The following HPSE2 variants were observed in gnomAD, a reference collection of about 807,000 sequenced individuals.
The protein encoded by HPSE2 is inactive heparanase-2.
HPSE2 carries 38 observed loss-of-function variants against 60.5 expected under a neutral mutation model. The observed-to-expected ratio is 0.63, with a 90% CI of 0.48 to 0.82. The LOEUF (loss-of-function observed/expected upper bound fraction) is 0.82. HPSE2 is among the 40% of genes least tolerant of loss of function. The probability of loss-of-function intolerance (pLI) is 0.00; values close to 1 mark genes in which losing one functional copy is unlikely to be tolerated. For missense variants in HPSE2, 713 were observed against 740.4 expected (o/e 0.96, Z 0.43); for synonymous variants, 295 against 293.2 (o/e 1.01, Z -0.06).
At chr10:98,965,899 C>CT (rs929475314) in intron 3 of HPSE2, among the ~76,000 whole-genome samples, 110 of 147,832 alleles carry the variant, frequency 7.4e-4, no homozygotes, top group African/African-American at 2.5e-3. Context: ...TTTTTTTTTT[C>CT]TTTTTTTTGA....
At chr10:99,165,527 A>C (rs1009098660) in intron 2 of HPSE2, among the ~76,000 whole-genome samples, 5 of 134,216 alleles carry the variant, frequency 3.7e-5, no homozygotes, top group African/African-American at 1.3e-4. Flanking sequence ...TCATTTATTT[A>C]CGTATTTATT....
intron 9 of HPSE2, among the ~76,000 whole-genome samples, chr10:98,555,659 T>G (rs893482157): frequency 6.6e-6 from 1 of 152,252 alleles, no homozygotes; most frequent in Non-Finnish European, 1.5e-5. Flanking sequence ...CTTTATATAA[T>G]GAACATGTAT....
intron 3 of HPSE2, among the ~76,000 whole-genome samples, chr10:98,775,155 C>T (rs949655543): frequency 5.9e-5 from 9 of 152,196 alleles, no homozygotes; most frequent in Admixed American, 5.2e-4. Context: ...CTTAGATTTC[C>T]TTTCTTTTTC....
At chr10:99,067,737 G>C (rs536697159) in intron 3 of HPSE2, among the ~76,000 whole-genome samples, 26 of 152,326 alleles carry the variant, frequency 1.7e-4, no homozygotes, top group African/African-American at 6.0e-4. Context: ...AGGGGCTGCT[G>C]TGAAGGTCTC....
chr10:99,035,080 AT>A (rs926536705), intron 3 of HPSE2, among the ~76,000 whole-genome samples: 20 of 152,164 alleles, frequency 1.3e-4, no homozygotes, highest in African/African-American at 4.6e-4. Context: ...GGTACACTAA[AT>A]TTATTTGTTA....
chr10:99,236,710 C>T (rs1435428164), upstream of HPSE2, among the ~76,000 whole-genome samples: 3 of 152,130 alleles, frequency 2.0e-5, no homozygotes, highest in African/African-American at 7.2e-5. Flanking sequence ...GGACATGCGC[C>T]CTCGCTCTGC....
chr10:98,781,368 A>T (rs1200801433), intron 3 of HPSE2, among the ~76,000 whole-genome samples: 1 of 150,556 alleles, frequency 6.6e-6, no homozygotes, highest in African/African-American at 2.4e-5. Context: ...AAAGAACTGA[A>T]CACTGAAAAA....
chr10:99,065,155 T>G (rs1191781739), intron 3 of HPSE2, among the ~76,000 whole-genome samples: 1 of 152,318 alleles, frequency 6.6e-6, no homozygotes, highest in East Asian at 1.9e-4. Flanking sequence ...ACCAGCTCAA[T>G]TTTGTGATAT....
chr10:98,987,819 C>T lies in HPSE2; in HGVS notation c.610+156419G>A, dbSNP rs368593478. On this transcript the variant is annotated intron_variant, in intron 3 of 11. Transcript: ENST00000370552. Reference sequence around the variant, plus strand: ...AGTCTCAGCATACAAAATCAATGTGCAAAAATCACAAGCATTCTTATACAC... The same window carrying T: ...AGTCTCAGCATACAAAATCAATGTGTAAAAATCACAAGCATTCTTATACAC... 1.3e-3 allele frequency among the ~76,000 whole-genome samples: 194 copies of T among 152,088 alleles called. 5 individuals are homozygous for T. The East Asian group carries it at 0.028, about 22-fold the overall frequency.
chr10:98,576,147 A>G (rs1235621175), intron 9 of HPSE2, among the ~76,000 whole-genome samples: 1 of 152,206 alleles, frequency 6.6e-6, no homozygotes, highest in Non-Finnish European at 1.5e-5. Flanking sequence ...CTACAAAGTG[A>G]ACAACTTATG....
intron 6 of HPSE2, among the ~76,000 whole-genome samples, chr10:98,653,818 G>A (rs1001591350): frequency 6.6e-6 from 1 of 151,730 alleles, no homozygotes; most frequent in Admixed American, 6.6e-5. Context: ...TCCTTTTGTA[G>A]ACTTGCATTT....
At chr10:99,235,883 C>A (rs902958882), upstream of HPSE2, 1 of 1,244,342 alleles carries the variant, frequency 8.0e-7, no homozygotes, top group African/African-American at 1.5e-5. Context: ...TGTGTCTGTC[C>A]GCCTTTTTCC....
intron 3 of HPSE2, among the ~76,000 whole-genome samples, chr10:98,878,915 G>A (rs1952945751): frequency 6.6e-6 from 1 of 151,920 alleles, no homozygotes; most frequent in Admixed American, 6.6e-5. Context: ...AGAGACTGGA[G>A]GATAGATTAA....
At chr10:98,515,439 T>C (rs766993821) in intron 9 of HPSE2, among the ~76,000 whole-genome samples, 1 of 152,188 alleles carries the variant, frequency 6.6e-6, no homozygotes, top group Admixed American at 6.5e-5. Flanking sequence ...GTAAACAAAT[T>C]GTAGATCCAA....
chr10:98,576,250 T>C (rs1436237377), intron 9 of HPSE2, among the ~76,000 whole-genome samples: 1 of 151,796 alleles, frequency 6.6e-6, no homozygotes, highest in Non-Finnish European at 1.5e-5. Flanking sequence ...TTCTGGCATA[T>C]GAGAAGGCGG....
At chr10:98,812,072 T>G (rs2134574299) in intron 3 of HPSE2, among the ~76,000 whole-genome samples, 1 of 152,292 alleles carries the variant, frequency 6.6e-6, no homozygotes, top group African/African-American at 2.4e-5. Flanking sequence ...TTTTTGAAGT[T>G]TCCTAGACAA....
At chr10:99,305,979 G>GCGCGCGCGCACACACACACACACACA in the HPSE2 span, among the ~76,000 whole-genome samples, 44 of 80,552 alleles carry the variant, frequency 5.5e-4, no homozygotes, top group Non-Finnish European at 7.4e-4. Flanking sequence ...GCGCGCGCGC[G>GCGCGCGCGCACACACACACACACACA]CACACACACA....
At chr10:99,052,171 A>C (rs1247379627) in intron 3 of HPSE2, among the ~76,000 whole-genome samples, 6 of 152,064 alleles carry the variant, frequency 3.9e-5, no homozygotes. Context: ...ATAATCAAGG[A>C]CTATAGGAAA....
intron 7 of HPSE2, among the ~76,000 whole-genome samples, chr10:98,630,249 G>A (rs1270977927): frequency 1.3e-5 from 2 of 148,464 alleles, no homozygotes; most frequent in Non-Finnish European, 3.0e-5. Context: ...CCAGGCTGGA[G>A]TGCAGTGGCG....
Sources: gnomAD v4.1 joint callset for allele counts (sites outside exome capture counted in the v4.1 genomes callset) on GRCh38, gnomAD v4.1.1 for gene constraint, MANE v1.5 for transcripts, NCBI Gene and HGNC (gene_info 2026-07-23, HGNC 2026-07-21) for gene names.